The following IL1R2 variants were observed in gnomAD, a reference collection of about 807,000 sequenced individuals.
IL1R2 encodes the protein interleukin 1 receptor type 2.
A neutral mutation model predicts 39.5 loss-of-function variants in IL1R2; 46 were observed. The ratio of observed to expected loss-of-function variants is 1.16; its 90% CI spans 0.92 to 1.49. The LOEUF (loss-of-function observed/expected upper bound fraction) is 1.49. IL1R2 is among the 40% of genes most tolerant of loss of function. The pLI is 0.00. For missense variants in IL1R2, 537 were observed against 502.0 expected (o/e 1.07, Z -0.67); for synonymous variants, 207 against 189.6 (o/e 1.09, Z -0.75).
At chr2:102,008,792 C>A in intron 2 of IL1R2, 150 bp downstream of exon 2, 2 of 525,908 alleles carry the variant, frequency 3.8e-6, no homozygotes, top group South Asian at 1.8e-5. Context: ...GAGCCCTAGG[C>A]GGGTGGATTG....
At chr2:101,999,600 C>T (rs571243609) in intron 1 of IL1R2, among the ~76,000 whole-genome samples, 1 of 152,144 alleles carries the variant, frequency 6.6e-6, no homozygotes, top group Non-Finnish European at 1.5e-5. Flanking sequence ...GGGTTTTAGA[C>T]CTGCAAGAGA....
At chr2:102,017,185 G>T (rs1215947138) in intron 4 of IL1R2, among the ~76,000 whole-genome samples, 3 of 151,916 alleles carry the variant, frequency 2.0e-5, no homozygotes, top group Admixed American at 2.0e-4. Flanking sequence ...ATCACCTGAG[G>T]TCAGGAGTTT....
intron 6 of IL1R2, chr2:102,023,369 C>G (rs1454658909): frequency 6.6e-6 from 1 of 152,250 alleles, no homozygotes; most frequent in Non-Finnish European, 1.5e-5. Context: ...CCTACTGGAG[C>G]CCCAGTGTTC....
rs1296390979 is a variant in IL1R2, at chr2:102,002,457, A to ATGTCTC, written c.-61-6052_-61-6047dup. Among the ~76,000 whole-genome samples, 4 of 53,000 alleles carry ATGTCTC rather than the reference A, an allele frequency of 7.5e-5. No individual in the cohort carries two copies. In the East Asian group the frequency reaches 2.5e-3, roughly 33 times the overall value. The allele number at this position is 53,000 out of a possible 152,430, so 34.8% of individuals were successfully genotyped here. ...TTGTCCCCTATCTGTGTCTGTGTCT[A>ATGTCTC]TGTCTCTGTCTGTGTCTGTGTCTGT... On this transcript the variant is annotated intron_variant, in intron 1 of 8. Transcript: ENST00000332549.
Position 102,024,423 on chromosome 2 carries a change from TG to T in IL1R2, c.752-107del. 12 of 739,222 alleles carry T rather than the reference TG, an allele frequency of 1.6e-5. No homozygotes were observed. The South Asian group carries it at 1.9e-4, about 11-fold the overall frequency. 45.8% of individuals were successfully genotyped at this position (739,222 alleles called of 1,614,324 possible). A position where few individuals can be genotyped will look rare whatever the true frequency, so the allele number is the denominator to read the frequency against. ...CTAAATTTTCTACCAAGGAAAGAAT[TG>T]GGTGGTGAGGGGTGTTTGAGAAGCC... On this transcript the variant is annotated intron_variant, in intron 6 of 8. Transcript: ENST00000332549.
intron 7 of IL1R2, among the ~76,000 whole-genome samples, chr2:102,025,473 C>T (rs147238497): frequency 3.5e-3 from 534 of 152,298 alleles, no homozygotes; most frequent in Middle Eastern, 6.8e-3. Context: ...CTCATATGAT[C>T]CACTTACTTA....
At chr2:101,996,380 C>A (rs894815677) in intron 1 of IL1R2, among the ~76,000 whole-genome samples, 7 of 151,990 alleles carry the variant, frequency 4.6e-5, no homozygotes, top group Non-Finnish European at 7.4e-5. Context: ...TCTGTGGAAA[C>A]CCAGCAAATC....
chr2:102,003,840 T>G (rs867266446), intron 1 of IL1R2, among the ~76,000 whole-genome samples: 10 of 102,878 alleles, frequency 9.7e-5, no homozygotes, highest in South Asian at 3.1e-4. Flanking sequence ...TGTGTCTGTG[T>G]CTGTGTCTGT....
At chr2:102,019,853 A>G (rs1677253670) in intron 5 of IL1R2, 41 bp downstream of exon 5, 3 of 1,534,014 alleles carry the variant, frequency 2.0e-6, no homozygotes, top group Admixed American at 1.8e-5. Flanking sequence ...TCCTGGTTCA[A>G]TAACAAGCAT....
chr2:102,015,378 C>A (rs1293314683), intron 3 of IL1R2, among the ~76,000 whole-genome samples: 3 of 152,126 alleles, frequency 2.0e-5, no homozygotes, highest in African/African-American at 7.2e-5. Flanking sequence ...CTTGTTGCCC[C>A]CCAAGTGTTC....
At position 102,009,573 on chromosome 2, in the gene IL1R2, A is replaced by G; in HGVS notation, c.79A>G (p.Ser27Gly). ...TCTCTGTCCTTCAGGGGCTGCCAGA[A>G]GCTGCCGGTTTCGTGGGAGGCATTA... The part of the protein sequence containing the change: ...QPAAHTGAAR[S>G]CRFRGRHYKR... Residue 27 changes from serine to glycine, a missense_variant, in exon 3 of 9, where the codon AGC becomes GGC. Physicochemically the swap from Ser to Gly is moderately conservative, Grantham distance 56. Coordinates refer to ENST00000332549, the MANE Select transcript of IL1R2 (RefSeq NM_004633.4). 3 of 1,613,982 alleles carry G rather than the reference A, an allele frequency of 1.9e-6. No homozygotes were observed. The highest frequency in any genetic ancestry group is 2.5e-6 in the Non-Finnish European group (3 of 1,179,920).
chr2:102,007,821 G>T (rs1676359774), intron 1 of IL1R2, among the ~76,000 whole-genome samples: 1 of 152,208 alleles, frequency 6.6e-6, no homozygotes, highest in Admixed American at 6.5e-5. Flanking sequence ...CAGTAAATCT[G>T]CTCTTCACAT....
intron 3 of IL1R2, among the ~76,000 whole-genome samples, chr2:102,012,468 T>C (rs543434896): frequency 6.6e-6 from 1 of 152,180 alleles, no homozygotes; most frequent in East Asian, 1.9e-4. Flanking sequence ...TCATCCCCAG[T>C]CCTAGGCTGG....
intron 1 of IL1R2, among the ~76,000 whole-genome samples, chr2:101,992,567 G>A (rs1332193143): frequency 9.0e-6 from 1 of 110,770 alleles, no homozygotes; most frequent in African/African-American, 3.6e-5. Flanking sequence ...AGACAGAGAT[G>A]GAGAGAGACA....
intron 1 of IL1R2, among the ~76,000 whole-genome samples, chr2:102,006,213 A>G (rs1384950589): frequency 6.6e-6 from 1 of 152,186 alleles, no homozygotes; most frequent in Admixed American, 6.5e-5. Flanking sequence ...TGGGGATGTG[A>G]TAAGCTAATG....
intron 1 of IL1R2, among the ~76,000 whole-genome samples, chr2:101,995,383 C>A (rs900774904): frequency 1.3e-5 from 2 of 152,144 alleles, no homozygotes; most frequent in African/African-American, 2.4e-5. Flanking sequence ...CATGTAGGAG[C>A]CGAGAGTGGC....
At chr2:102,026,332 T>C (rs1439111236) in intron 8 of IL1R2, 79 bp downstream of exon 8, 29 of 1,092,722 alleles carry the variant, frequency 2.7e-5, no homozygotes, top group Non-Finnish European at 3.6e-5. Context: ...AATCTACTTG[T>C]TCTCCAAATG....
Position 102,008,485 on chromosome 2 carries a change from T to C in IL1R2, c.-61-30T>C, listed in dbSNP as rs3218852. 0.011 allele frequency: 10,869 copies of C among 977,268 alleles called. 635 individuals are homozygous for C. The African/African-American group carries it at 0.14, about 12-fold the overall frequency. The allele number at this position is 977,268 out of a possible 1,614,324, so 60.5% of individuals were successfully genotyped here. Reference sequence around the variant, plus strand: ...GGATTCTCTCTGCAGGGTTCTTGGTTCCTGGTGACACCTCTGTTTCCTCCC... The same window carrying C: ...GGATTCTCTCTGCAGGGTTCTTGGTCCCTGGTGACACCTCTGTTTCCTCCC... On this transcript the variant is annotated intron_variant, in intron 1 of 8. Coordinates refer to ENST00000332549, the MANE Select transcript of IL1R2 (RefSeq NM_004633.4).
intron 1 of IL1R2, among the ~76,000 whole-genome samples, chr2:102,007,257 T>G (rs1676327629): frequency 6.6e-6 from 1 of 152,214 alleles, no homozygotes; most frequent in Non-Finnish European, 1.5e-5. Context: ...GGAGGACTGC[T>G]TCATAAACTT....
Sources: allele counts gnomAD v4.1 joint callset (sites outside exome capture counted in the v4.1 genomes callset), GRCh38; gene constraint gnomAD v4.1.1; transcripts MANE v1.5; gene names NCBI Gene and HGNC (gene_info 2026-07-23, HGNC 2026-07-21).